Variants in ABTB3 observed in about 807,000 individuals in gnomAD.
ABTB3 encodes ankyrin repeat- and BTB/POZ domain-containing protein 3.
the ABTB3 span, among the ~76,000 whole-genome samples, chr12:107,633,929 A>G: frequency 6.4e-4 from 98 of 152,374 alleles, no homozygotes; most frequent in Non-Finnish European, 1.1e-3. Flanking sequence ...ATGCTGGTCC[A>G]GGGACCACAC....
chr12:107,627,345 C>T, the ABTB3 span, among the ~76,000 whole-genome samples: 13,270 of 152,184 alleles, frequency 0.087, 677 homozygotes, highest in Middle Eastern at 0.11. Context: ...AGCCTGGACA[C>T]GGATCTAATG....
chr12:107,515,587 C>T, the ABTB3 span, among the ~76,000 whole-genome samples: 5 of 152,166 alleles, frequency 3.3e-5, no homozygotes, highest in South Asian at 6.2e-4. Context: ...GATTCATTGC[C>T]GTGGCAACAG....
chr12:107,536,962 A>G, the ABTB3 span, among the ~76,000 whole-genome samples: 1 of 152,210 alleles, frequency 6.6e-6, no homozygotes, highest in Non-Finnish European at 1.5e-5. Context: ...TAAAACCAAG[A>G]TGTGGATCAA....
chr12:107,517,443 A>G, the ABTB3 span, among the ~76,000 whole-genome samples: 2 of 152,164 alleles, frequency 1.3e-5, no homozygotes, highest in Admixed American at 1.3e-4. Flanking sequence ...CATTGAATCT[A>G]TAAATTACCT....
the ABTB3 span, among the ~76,000 whole-genome samples, chr12:107,452,926 C>A: frequency 6.6e-6 from 1 of 152,222 alleles, no homozygotes; most frequent in Non-Finnish European, 1.5e-5. Flanking sequence ...AAGTGATGGG[C>A]AAAATCAAAA....
the ABTB3 span, chr12:107,620,169 G>A: frequency 6.2e-7 from 1 of 1,613,862 alleles, no homozygotes; most frequent in East Asian, 2.2e-5. Context: ...AGCAAGGTAT[G>A]TGGGGTTTGA....
the ABTB3 span, chr12:107,581,121 G>A: frequency 1.9e-6 from 3 of 1,546,476 alleles, no homozygotes; most frequent in Non-Finnish European, 2.6e-6. Flanking sequence ...AGGCCCTAAC[G>A]CGCGTCTCCG....
chr12:107,548,455 T>C, the ABTB3 span, among the ~76,000 whole-genome samples: 2 of 152,260 alleles, frequency 1.3e-5, no homozygotes, highest in Non-Finnish European at 2.9e-5. Flanking sequence ...GAAGTAGGCC[T>C]GCATGCACCA....
the ABTB3 span, chr12:107,520,665 A>G: frequency 1.9e-6 from 3 of 1,612,744 alleles, no homozygotes; most frequent in South Asian, 2.2e-5. Flanking sequence ...TCCAGCTCTC[A>G]TGCCTCAAGA....
chr12:107,365,661 A>G, the ABTB3 span, among the ~76,000 whole-genome samples: 5 of 152,124 alleles, frequency 3.3e-5, no homozygotes, highest in Admixed American at 3.3e-4. Flanking sequence ...TCCTCCCTAA[A>G]GTGCCATTGC....
chr12:107,368,768 T>A, the ABTB3 span, among the ~76,000 whole-genome samples: 1 of 152,182 alleles, frequency 6.6e-6, no homozygotes, highest in Non-Finnish European at 1.5e-5. Flanking sequence ...TTACTCAACA[T>A]TGTAATTTTG....
At chr12:107,396,398 C>T in the ABTB3 span, among the ~76,000 whole-genome samples, 1 of 152,154 alleles carries the variant, frequency 6.6e-6, no homozygotes, top group African/African-American at 2.4e-5. Flanking sequence ...TAATCTTGCC[C>T]AGCCAGTTTT....
chr12:107,495,053 G>A, the ABTB3 span, among the ~76,000 whole-genome samples: 4 of 152,152 alleles, frequency 2.6e-5, no homozygotes, highest in Non-Finnish European at 5.9e-5. Flanking sequence ...GGGGAAGGTA[G>A]GGGGTGGCCA....
At chr12:107,486,572 C>T in the ABTB3 span, 4 of 151,990 alleles carry the variant, frequency 2.6e-5, no homozygotes, top group Non-Finnish European at 4.4e-5. Flanking sequence ...TAATCAGGCC[C>T]AGCCCTGCTT....
chr12:107,509,807 T>A, the ABTB3 span, among the ~76,000 whole-genome samples: 1 of 152,240 alleles, frequency 6.6e-6, no homozygotes, highest in Admixed American at 6.5e-5. Flanking sequence ...TGTACAAACA[T>A]TTCTTAATCT....
the ABTB3 span, chr12:107,617,597 G>C: frequency 3.3e-5 from 28 of 855,950 alleles, no homozygotes; most frequent in Non-Finnish European, 3.1e-5. Context: ...CTACCTGCCA[G>C]CTGACAGCCA....
chr12:107,384,180 G>A, the ABTB3 span, among the ~76,000 whole-genome samples: 2 of 152,208 alleles, frequency 1.3e-5, no homozygotes, highest in African/African-American at 2.4e-5. Flanking sequence ...GATTTCCTAT[G>A]TATTGATGTG....
the ABTB3 span, among the ~76,000 whole-genome samples, chr12:107,470,010 T>TTCTTTCTTTC: frequency 8.8e-5 from 5 of 57,122 alleles, no homozygotes; most frequent in Admixed American, 1.9e-4. Context: ...CTTTCTTTCT[T>TTCTTTCTTTC]TCTCTCTCTC....
the ABTB3 span, among the ~76,000 whole-genome samples, chr12:107,400,533 G>A: frequency 3.9e-5 from 6 of 152,064 alleles, no homozygotes; most frequent in African/African-American, 9.7e-5. Flanking sequence ...GTGGCCATTC[G>A]CTTGAATTTC....
Sources: gnomAD v4.1 joint callset for allele counts (sites outside exome capture counted in the v4.1 genomes callset) on GRCh38, gnomAD v4.1.1 for gene constraint, MANE v1.5 for transcripts, NCBI Gene and HGNC (gene_info 2026-07-23, HGNC 2026-07-21) for gene names.